The following PIP4K2C variants were observed in gnomAD, a reference collection of about 807,000 sequenced individuals.
PIP4K2C encodes phosphatidylinositol-5-phosphate 4-kinase type 2 gamma.
Under a neutral mutation model 45.0 loss-of-function variants are expected in PIP4K2C, and 21 were observed. That is an observed-to-expected ratio of 0.47 (90% CI 0.33 to 0.67). The LOEUF (loss-of-function observed/expected upper bound fraction) is 0.67, where lower values mean the gene tolerates loss of function less well. Among genes scored for constraint, PIP4K2C ranks in the 30% least tolerant of loss-of-function variants. PIP4K2C has a pLI of 0.02. For synonymous variants in PIP4K2C, 201 were observed against 204.8 expected, an observed-to-expected ratio of 0.98 and a Z score of 0.16; for missense variants, 456 against 542.8, an observed-to-expected ratio of 0.84 and a Z score of 1.59.
intron 9 of PIP4K2C, 41 bp from the exon 10 acceptor site, chr12:57,601,485 C>G (rs568299774): frequency 6.4e-7 from 1 of 1,574,704 alleles, no homozygotes; most frequent in South Asian, 1.1e-5. Context: ...GGGACGGGTG[C>G]TAGGGTGGCC....
chr12:57,598,336 C>T (rs1442920726), intron 4 of PIP4K2C, among the ~76,000 whole-genome samples: 1 of 152,012 alleles, frequency 6.6e-6, no homozygotes, highest in East Asian at 1.9e-4. Context: ...GCCTGGGTAA[C>T]ACAGTGAAAC....
chr12:57,591,976 C>G (rs1296917098), intron 1 of PIP4K2C, among the ~76,000 whole-genome samples: 1 of 152,184 alleles, frequency 6.6e-6, no homozygotes, highest in Non-Finnish European at 1.5e-5. Context: ...CCTGGGCTTT[C>G]TAATCCTGCT....
At position 57,600,398 on chromosome 12, in the gene PIP4K2C, G is replaced by T; in HGVS notation, c.774G>T (p.Glu258Asp). Residue 258 changes from glutamate (E) to aspartate (D), a missense_variant, in exon 7 of 10, where the codon GAG becomes GAT. Physicochemically the swap from Glu to Asp is conservative, Grantham distance 45. Around this residue, in one of 2 missense-constraint regions of PIP4K2C, gnomAD observed 421 missense variants for 473.1 expected, o/e 0.89. Transcript: ENST00000354947. ...KNQKVYIGEE[E>D]KKIFLEKLKR... ...AGAAAGTATATATTGGTGAAGAGGA[G>T]AAGAAAATATTTCTGGAGAAGCTGA... The T allele has an allele frequency of 6.2e-7, 1 of 1,610,382 alleles. No homozygotes were observed. Among genetic ancestry groups the T allele is most frequent in the South Asian group, 1.1e-5 (1 of 90,950 alleles).
chr12:57,592,900 CTTT>C (rs74320065), intron 1 of PIP4K2C, among the ~76,000 whole-genome samples: 9 of 121,312 alleles, frequency 7.4e-5, no homozygotes, highest in Non-Finnish European at 1.2e-4. Flanking sequence ...TCTCAAGTGG[CTTT>C]TTTTTTTTTT....
intron 4 of PIP4K2C, 106 bp from the exon 5 acceptor site, chr12:57,598,959 T>G: frequency 8.0e-7 from 1 of 1,245,978 alleles, no homozygotes; most frequent in Middle Eastern, 2.7e-4. Context: ...TCTCTCTACT[T>G]GAAGTCCTCT....
rs1883465650 is a variant in PIP4K2C, at chr12:57,602,075, ATGCTTCCC to A, written c.*471_*478del. On this transcript the variant is annotated 3_prime_UTR_variant, in exon 10 of 10. Coordinates refer to ENST00000354947, the MANE Select transcript of PIP4K2C (RefSeq NM_024779.5). ...ATAACTTTATAAAACTCACTATGGC[ATGCTTCCC>A]TCCTGGTGGGCCCTAGGATGGATGA... 5.5e-6 allele frequency: 1 copy of A among 183,418 alleles called. No individual in the cohort carries two copies. The highest frequency in any genetic ancestry group is 2.4e-5 in the African/African-American group (1 of 42,386). 11.4% of individuals were successfully genotyped at this position (183,418 alleles called of 1,614,324 possible).
Position 57,594,036 on chromosome 12 carries a change from C to A in PIP4K2C, c.186C>A (p.Leu62=), listed in dbSNP as rs754796405. The part of the protein sequence containing the change: ...LWGVAHSINE[L]SQVPPPVMLL... ...GTTTGGCTTATCAGATCAATGAGCT[C>A]AGCCAGGTGCCTCCCCCGGTGATGC... Residue 62 remains leucine (L), a synonymous_variant, in exon 2 of 10, where the codon CTC becomes CTA. Transcript: ENST00000354947. 3 of 1,613,828 alleles carry A rather than the reference C, an allele frequency of 1.9e-6. No individual in the cohort carries two copies. In the Admixed American group the frequency reaches 5.0e-5, roughly 27 times the overall value.
chr12:57,592,127 T>C (rs1882990131), intron 1 of PIP4K2C, among the ~76,000 whole-genome samples: 1 of 152,094 alleles, frequency 6.6e-6, no homozygotes, highest in Admixed American at 6.5e-5. Context: ...AGCGATCGTG[T>C]TTGGTGTAGG....
chr12:57,593,482 C>T (rs1291609227), intron 1 of PIP4K2C, among the ~76,000 whole-genome samples: 1 of 151,994 alleles, frequency 6.6e-6, no homozygotes, highest in Non-Finnish European at 1.5e-5. Flanking sequence ...TGGGGGCCTA[C>T]TGCAAACAAC....
At chr12:57,594,181 T>A (rs1360590121) in intron 2 of PIP4K2C, 59 bp downstream of exon 2, 1 of 1,374,512 alleles carries the variant, frequency 7.3e-7, no homozygotes, top group Non-Finnish European at 1.0e-6. Context: ...TAATAAATAA[T>A]TTTAAAAGTT....
rs1250967087 is a variant in PIP4K2C, at chr12:57,591,505, C to T, written c.174+42C>T. 4 of 1,527,716 alleles carry T rather than the reference C, an allele frequency of 2.6e-6. No homozygotes were observed. In the Admixed American group the frequency reaches 5.9e-5, roughly 23 times the overall value. The allele number at this position is 1,527,716 out of a possible 1,614,324, so 94.6% of individuals were successfully genotyped here. Reference sequence around the variant, plus strand: ...GACCCCCGCAGCCCTGTCCAAACCCCTCGGCTCCGAGGCGTCCCTGTTTCC... The same window carrying T: ...GACCCCCGCAGCCCTGTCCAAACCCTTCGGCTCCGAGGCGTCCCTGTTTCC... On this transcript the variant is annotated intron_variant, in intron 1 of 9. Coordinates refer to ENST00000354947, the MANE Select transcript of PIP4K2C (RefSeq NM_024779.5).
chr12:57,600,312 A>T lies in PIP4K2C; in HGVS notation c.700-12A>T. 1 of 1,533,810 alleles carries T rather than the reference A, an allele frequency of 6.5e-7. No homozygotes were observed. The highest frequency in any genetic ancestry group is 9.0e-7 in the Non-Finnish European group (1 of 1,110,454). The stretch of plus-strand genomic sequence containing the variant: ...GGATATGTTCCCAAGATGTCCCTTT[A>T]CATATTCTTAGGTTAAAGAATTGCC... On this transcript the variant is annotated splice_polypyrimidine_tract_variant and intron_variant, in intron 6 of 9. Coordinates refer to ENST00000354947, the MANE Select transcript of PIP4K2C (RefSeq NM_024779.5).
chr12:57,600,846 T>G lies in PIP4K2C; in HGVS notation c.849T>G (p.Leu283=), dbSNP rs756206625. The G allele has an allele frequency of 3.7e-6, 6 of 1,614,166 alleles. No homozygotes were observed. The highest frequency in any genetic ancestry group is 5.1e-6 in the Non-Finnish European group (6 of 1,180,024). Residue 283 remains leucine, a synonymous_variant, in exon 8 of 10, where the codon CTT becomes CTG. Transcript: ENST00000354947. ...AGCTGAAGATCATGGACTACAGCCT[T>G]CTGCTAGGCATCCACGACATCATTC... ...LVQLKIMDYS[L]LLGIHDIIRG...
intron 9 of PIP4K2C, 79 bp downstream of exon 9, chr12:57,601,427 GT>G: frequency 6.5e-7 from 1 of 1,530,872 alleles, no homozygotes; most frequent in Non-Finnish European, 9.1e-7. Context: ...GAGCAATGGG[GT>G]GGCAAAAGAA....
intron 4 of PIP4K2C, among the ~76,000 whole-genome samples, chr12:57,597,178 T>C (rs1415925702): frequency 6.6e-6 from 1 of 152,170 alleles, no homozygotes; most frequent in Non-Finnish European, 1.5e-5. Context: ...TTTAGAAATA[T>C]TTAGAAAATG....
intron 1 of PIP4K2C, 131 bp from the exon 2 acceptor site, chr12:57,593,894 A>G (rs1308582539): frequency 3.3e-6 from 2 of 606,446 alleles, no homozygotes; most frequent in East Asian, 2.8e-5. Context: ...TCTGTCAAGC[A>G]TATGCATAGC....
intron 1 of PIP4K2C, among the ~76,000 whole-genome samples, chr12:57,592,194 T>C (rs1266691144): frequency 6.6e-6 from 1 of 152,178 alleles, no homozygotes; most frequent in African/African-American, 2.4e-5. Context: ...GAGGTCACTA[T>C]GGTGGTGAAC....
chr12:57,595,964 T>C lies in PIP4K2C; in HGVS notation c.446T>C (p.Leu149Pro). The C allele has an allele frequency of 1.2e-6, 2 of 1,613,976 alleles. No individual in the cohort carries two copies. The highest frequency in any genetic ancestry group is 2.2e-5 in the East Asian group (1 of 44,878). ...TTCCTTATCTCCTACGATCGGACTC[T>C]GGTCATCAAAGAAGTATCCAGTGAG... ...GRFLISYDRT[L>P]VIKEVSSEDI... is the part of the protein sequence containing the mutation. The change falls in exon 4 of 10, where the codon CTG (leucine) becomes CCG (proline). Residue 149 changes from leucine (L) to proline (P), a missense_variant. By Grantham distance (98) the Leu-to-Pro change is moderately conservative. Transcript: ENST00000354947.
chr12:57,598,282 AGGCCGAGGTG>A (rs1772699012), intron 4 of PIP4K2C, among the ~76,000 whole-genome samples: 1 of 152,040 alleles, frequency 6.6e-6, no homozygotes, highest in African/African-American at 2.4e-5. Context: ...GCACTTTGGG[AGGCCGAGGTG>A]GGCAGATTGC....
Sources: gnomAD v4.1 joint callset for allele counts (sites outside exome capture counted in the v4.1 genomes callset) on GRCh38, gnomAD v4.1.1 for gene constraint, gnomAD v4.1.1 regional missense constraint, MANE v1.5 for transcripts, NCBI Gene and HGNC (gene_info 2026-07-23, HGNC 2026-07-21) for gene names.